Variants in PCDHA5 observed in about 807,000 individuals in gnomAD.
PCDHA5 encodes protocadherin alpha 5, also known as protocadherin alpha-5.
In PCDHA5, 43 loss-of-function variants were observed where a neutral mutation model predicts 61.6. The ratio of observed to expected loss-of-function variants is 0.70; its 90% CI spans 0.55 to 0.90. The LOEUF (loss-of-function observed/expected upper bound fraction) is 0.90, where lower values mean the gene tolerates loss of function less well. PCDHA5 is among the 40% of genes least tolerant of loss of function. The probability of loss-of-function intolerance (pLI) is 0.00; values close to 1 mark genes in which losing one functional copy is unlikely to be tolerated. For synonymous variants in PCDHA5, 627 were observed against 543.9 expected (o/e 1.15, Z -2.13); for missense variants, 1,298 against 1,222.7 (o/e 1.06, Z -0.92).
At chr5:141,009,482 C>T in intron 3 of PCDHA5, 145 bp from the exon 4 acceptor site, 1 of 1,446,086 alleles carries the variant, frequency 6.9e-7, no homozygotes, top group Non-Finnish European at 9.1e-7. Flanking sequence ...TAAACACTTG[C>T]CTTGCCCTCA....
rs551502223 is a variant in PCDHA5 at position 140,976,924 on chromosome 5, T to G, written c.2353-2025T>G. ...TGTAATAAAGTGCAAAATCTAGTAC[T>G]GTGTAGCTACTTAAAACATATTATA... is the stretch of plus-strand genomic sequence containing the variant. On this transcript the variant is annotated intron_variant, in intron 1 of 3. Coordinates refer to ENST00000529859, the MANE Select transcript of PCDHA5 (RefSeq NM_018908.3). 1.6e-4 allele frequency among the ~76,000 whole-genome samples: 25 copies of G among 152,364 alleles called. No homozygotes were observed. In the South Asian group the frequency reaches 5.2e-3, roughly 32 times the overall value.
At chr5:140,834,741 G>A (rs1773242914) in intron 1 of PCDHA5, 7 of 1,614,122 alleles carry the variant, frequency 4.3e-6, no homozygotes. Context: ...TTTCCATGTG[G>A]ACGTGGAGGT....
In PCDHA5 at chr5:140,857,157, T is replaced by C. The variant is rs1371246447; in HGVS notation, c.2352+33030T>C. The C allele has an allele frequency of 5.6e-6, 9 of 1,598,272 alleles. 1 individual carries two copies. The Middle Eastern group carries it at 5.0e-4, about 88-fold the overall frequency. On this transcript the variant is annotated intron_variant, in intron 1 of 3. Transcript: ENST00000529859. ...GCTCAAGTGGGCACCGTCATTGCCC[T>C]AATCAGCGTTTCTGACCATGATTCA... is the stretch of plus-strand genomic sequence containing the variant.
At position 140,971,106 on chromosome 5, in the gene PCDHA5, G is replaced by T. The variant is rs529915701; in HGVS notation, c.2353-7843G>T. Among the ~76,000 whole-genome samples, 46 of 152,304 alleles carry T rather than the reference G, an allele frequency of 3.0e-4. No homozygotes were observed. In the South Asian group the frequency reaches 4.1e-3, roughly 14 times the overall value. ...AACAAATTCTTGTGAAGCCCTTTGG[G>T]ATTGGGGTGGGCTACAGGTGGTGAA... is the stretch of plus-strand genomic sequence containing the variant. On this transcript the variant is annotated intron_variant, in intron 1 of 3. Transcript: ENST00000529859.
At chr5:140,842,856 C>T (rs782295377) in intron 1 of PCDHA5, 1 of 1,593,922 alleles carries the variant, frequency 6.3e-7, no homozygotes, top group African/African-American at 1.3e-5. Context: ...TCGGTGCACA[C>T]GGAGAGCGGC....
chr5:140,918,445 A>G (rs2078702084), intron 1 of PCDHA5, among the ~76,000 whole-genome samples: 1 of 152,144 alleles, frequency 6.6e-6, no homozygotes, highest in African/African-American at 2.4e-5. Context: ...GAGTGGTGAC[A>G]GTGGGCATCC....
chr5:140,823,977 C>A lies in PCDHA5; in HGVS notation c.2202C>A (p.Gly734=). The A allele has an allele frequency of 1.9e-6, 3 of 1,614,044 alleles. No homozygotes were observed. Among genetic ancestry groups the A allele is most frequent in the South Asian group, 2.2e-5 (2 of 91,070 alleles). ...AQPTEAVCTR[G]KPTLLCSSAV... ...CCACCGAGGCCGTGTGCACACGGGG[C>A]AAGCCCACTCTGTTGTGCTCCAGCG... Residue 734 remains glycine (G), a synonymous_variant, in exon 1 of 4, where the codon GGC becomes GGA. Coordinates refer to ENST00000529859, the MANE Select transcript of PCDHA5 (RefSeq NM_018908.3).
At chr5:140,856,545 T>C in intron 1 of PCDHA5, 1 of 1,598,250 alleles carries the variant, frequency 6.3e-7, no homozygotes, top group South Asian at 1.1e-5. Context: ...GAGAACGCAT[T>C]GCTTACTTAC....
At chr5:140,975,213 G>A (rs1205237242) in intron 1 of PCDHA5, among the ~76,000 whole-genome samples, 2 of 152,178 alleles carry the variant, frequency 1.3e-5, no homozygotes, top group African/African-American at 4.8e-5. Context: ...GGCTGGCACT[G>A]GAGAATCTTC....
intron 1 of PCDHA5, among the ~76,000 whole-genome samples, chr5:140,872,369 G>A (rs192689204): frequency 1.3e-4 from 20 of 152,274 alleles, no homozygotes; most frequent in Admixed American, 1.2e-3. Context: ...GTTCAGGCCT[G>A]TAATCCCAGC....
intron 2 of PCDHA5, among the ~76,000 whole-genome samples, chr5:140,980,889 T>C (rs1554242442): frequency 2.6e-5 from 4 of 152,202 alleles, no homozygotes; most frequent in Non-Finnish European, 4.4e-5. Flanking sequence ...GTCTTTCCAG[T>C]CTTGGACATC....
chr5:140,828,200 G>A (rs2150152362), intron 1 of PCDHA5: 44 of 1,614,052 alleles, frequency 2.7e-5, no homozygotes, highest in Non-Finnish European at 3.6e-5. Context: ...CTCCGTACCC[G>A]AGGAGGCCAA....
chr5:140,925,905 G>A (rs1241819632), intron 1 of PCDHA5, among the ~76,000 whole-genome samples: 1 of 151,822 alleles, frequency 6.6e-6, no homozygotes, highest in Admixed American at 6.6e-5. Flanking sequence ...GATCGTCAAG[G>A]GCCGTTTGCA....
At chr5:140,988,483 C>T (rs2097299555) in intron 3 of PCDHA5, among the ~76,000 whole-genome samples, 2 of 152,030 alleles carry the variant, frequency 1.3e-5, no homozygotes, top group African/African-American at 4.8e-5. Context: ...AATTAGCATC[C>T]CCTACCTAGG....
At position 140,858,282 on chromosome 5, in the gene PCDHA5, G is replaced by T. The variant is rs782040852; in HGVS notation, c.2352+34155G>T. On this transcript the variant is annotated intron_variant, in intron 1 of 3. Coordinates refer to ENST00000529859, the MANE Select transcript of PCDHA5 (RefSeq NM_018908.3). ...CTGGTGTGCTCTAGCGCGGTGGGGA[G>T]CTGGTCTTACTCGCAGCAGAGGCGG... 2.5e-6 allele frequency: 4 copies of T among 1,597,480 alleles called. No homozygotes were observed. The highest frequency in any genetic ancestry group is 3.4e-6 in the Non-Finnish European group (4 of 1,167,300).
intron 1 of PCDHA5, chr5:140,870,945 G>A (rs782397621): frequency 1.2e-6 from 2 of 1,613,724 alleles, no homozygotes; most frequent in Non-Finnish European, 1.7e-6. Context: ...AGCCGGCGGC[G>A]GGCGGCTCGC....
Position 140,927,758 on chromosome 5 carries a change from A to C in PCDHA5, c.2353-51191A>C, listed in dbSNP as rs781942462. 3 of 1,614,170 alleles carry C rather than the reference A, an allele frequency of 1.9e-6. No individual in the cohort carries two copies. In the South Asian group the frequency reaches 3.3e-5, roughly 18 times the overall value. Reference sequence around the variant, plus strand: ...CGACACCGCTTTCACGTGCACCCTAAAAGTGGGGAGGTGCAAGTAGCTGCT... The same window carrying C: ...CGACACCGCTTTCACGTGCACCCTACAAGTGGGGAGGTGCAAGTAGCTGCT... On this transcript the variant is annotated intron_variant, in intron 1 of 3. Transcript: ENST00000529859.
At chr5:140,959,230 A>C (rs776449475) in intron 1 of PCDHA5, among the ~76,000 whole-genome samples, 13 of 152,092 alleles carry the variant, frequency 8.5e-5, no homozygotes, top group Non-Finnish European at 1.0e-4. Context: ...TACAAAAATT[A>C]TCTGGGCATG....
Position 140,851,473 on chromosome 5 carries a change from G to T in PCDHA5, c.2352+27346G>T. The stretch of plus-strand genomic sequence containing the variant: ...TAGGAATCAAATTATGTCAATAAAT[G>T]TTATAAACACAGCCTTCATTTCAAC... On this transcript the variant is annotated intron_variant, in intron 1 of 3. Coordinates refer to ENST00000529859, the MANE Select transcript of PCDHA5 (RefSeq NM_018908.3). 6.7e-6 allele frequency: 6 copies of T among 889,518 alleles called. 1 individual carries two copies. The highest frequency in any genetic ancestry group is 8.2e-6 in the Non-Finnish European group (6 of 729,154). 55.1% of individuals were successfully genotyped at this position (889,518 alleles called of 1,614,324 possible).
Sources: allele counts gnomAD v4.1 joint callset (sites outside exome capture counted in the v4.1 genomes callset), GRCh38; gene constraint gnomAD v4.1.1; transcripts MANE v1.5; gene names NCBI Gene and HGNC (gene_info 2026-07-23, HGNC 2026-07-21).